The following CEP128 variants were observed in gnomAD, a reference collection of about 807,000 sequenced individuals.
The protein encoded by CEP128 is centrosomal protein 128kDa.
CEP128 carries 132 observed loss-of-function variants against 156.7 expected under a neutral mutation model. The observed-to-expected ratio is 0.84, with a 90% confidence interval of 0.73 to 0.97. The LOEUF is 0.97. CEP128 is among the 50% of genes least tolerant of loss of function. CEP128 has a pLI of 0.00. For missense variants in CEP128, 1,252 were observed against 1,281.9 expected, an observed-to-expected ratio of 0.98 and a Z score of 0.36; for synonymous variants, 469 against 448.9, an observed-to-expected ratio of 1.04 and a Z score of -0.57.
intron 13 of CEP128, among the ~76,000 whole-genome samples, chr14:80,819,756 C>T (rs1416561436): frequency 1.3e-5 from 2 of 152,128 alleles, no homozygotes; most frequent in African/African-American, 4.8e-5. Flanking sequence ...CATTTCAGTG[C>T]TGAGTGTGAG....
At chr14:80,560,802 G>A (rs1041005705) in intron 20 of CEP128, among the ~76,000 whole-genome samples, 18 of 152,130 alleles carry the variant, frequency 1.2e-4, no homozygotes, top group Admixed American at 2.0e-4. Flanking sequence ...CAGTTTTGGG[G>A]CTTGGACTGG....
chr14:80,679,700 A>T (rs1378528033), intron 19 of CEP128, among the ~76,000 whole-genome samples: 1 of 151,718 alleles, frequency 6.6e-6, no homozygotes, highest in Non-Finnish European at 1.5e-5. Flanking sequence ...TTGTGACTTT[A>T]TTGGCCTCAG....
At chr14:80,571,562 A>T (rs1891139945) in intron 20 of CEP128, among the ~76,000 whole-genome samples, 1 of 152,226 alleles carries the variant, frequency 6.6e-6, no homozygotes, top group African/African-American at 2.4e-5. Flanking sequence ...AAAGTAAAAT[A>T]ATCAACTGAT....
At chr14:80,507,284 ATT>A (rs1888022910) in intron 23 of CEP128, among the ~76,000 whole-genome samples, 1 of 152,100 alleles carries the variant, frequency 6.6e-6, no homozygotes, top group South Asian at 2.1e-4. Flanking sequence ...TAACCAAGGG[ATT>A]TTCAATTTTC....
At chr14:80,494,341 G>A (rs993598672), downstream of CEP128, among the ~76,000 whole-genome samples, 1 of 152,078 alleles carries the variant, frequency 6.6e-6, no homozygotes, top group South Asian at 2.1e-4. Flanking sequence ...AGAAAACACT[G>A]GAACAGTTTG....
At chr14:80,537,319 G>C (rs1889529032) in intron 21 of CEP128, among the ~76,000 whole-genome samples, 1 of 152,124 alleles carries the variant, frequency 6.6e-6, no homozygotes, top group Admixed American at 6.5e-5. Context: ...TTCTCCAAAT[G>C]AGTGATTTGG....
chr14:80,764,563 G>A (rs138132575), intron 16 of CEP128, among the ~76,000 whole-genome samples: 99 of 152,132 alleles, frequency 6.5e-4, no homozygotes, highest in South Asian at 2.7e-3. Context: ...TATCCTCTGT[G>A]GGACAGTTGT....
intron 19 of CEP128, among the ~76,000 whole-genome samples, chr14:80,609,894 T>C (rs976391996): frequency 3.3e-5 from 5 of 151,972 alleles, no homozygotes; most frequent in African/African-American, 1.2e-4. Flanking sequence ...ATGTTCACAG[T>C]GAAAAACATT....
intron 15 of CEP128, among the ~76,000 whole-genome samples, chr14:80,778,449 A>G (rs562620841): frequency 1.4e-4 from 22 of 152,352 alleles, no homozygotes; most frequent in African/African-American, 5.3e-4. Flanking sequence ...GGGAAATACT[A>G]TGAGATGTTA....
chr14:80,625,843 T>C (rs7152126), intron 19 of CEP128, among the ~76,000 whole-genome samples: 76,045 of 148,026 alleles, frequency 0.51, 21,663 homozygotes, highest in Non-Finnish European at 0.63. Flanking sequence ...CTTTCTTTTT[T>C]CTCTTTCTTT....
chr14:80,836,464 G>T, intron 11 of CEP128, 127 bp from the exon 12 acceptor site: 1 of 959,542 alleles, frequency 1.0e-6, no homozygotes, highest in Non-Finnish European at 1.6e-6. Context: ...ACGGTTTCCT[G>T]CTCCATTTCC....
intron 19 of CEP128, among the ~76,000 whole-genome samples, chr14:80,691,948 A>C (rs1439591397): frequency 6.6e-6 from 1 of 152,190 alleles, no homozygotes; most frequent in South Asian, 2.1e-4. Context: ...AAAGCAAAGA[A>C]AATATGCAAC....
chr14:80,831,009 T>C (rs955737490), intron 13 of CEP128, 134 bp downstream of exon 13: 13 of 760,916 alleles, frequency 1.7e-5, no homozygotes, highest in Non-Finnish European at 2.8e-5. Flanking sequence ...AATCAGTCAT[T>C]AATATAACTT....
At chr14:80,599,870 A>G (rs536859336) in intron 19 of CEP128, among the ~76,000 whole-genome samples, 3 of 152,328 alleles carry the variant, frequency 2.0e-5, no homozygotes, top group South Asian at 2.1e-4. Context: ...ACTGGATTGA[A>G]AAGTAGAGAA....
At chr14:80,898,425 G>T (rs1889447578) in intron 7 of CEP128, among the ~76,000 whole-genome samples, 1 of 152,066 alleles carries the variant, frequency 6.6e-6, no homozygotes, top group African/African-American at 2.4e-5. Context: ...AAAGTTTTCT[G>T]CCTCAAACAT....
intron 21 of CEP128, among the ~76,000 whole-genome samples, chr14:80,545,256 A>G (rs151296122): frequency 1.3e-5 from 2 of 152,322 alleles, no homozygotes; most frequent in South Asian, 2.1e-4. Flanking sequence ...GTAGTTGGTT[A>G]TCACATGCTG....
chr14:80,687,145 T>G (rs775581817), intron 19 of CEP128, among the ~76,000 whole-genome samples: 7 of 152,124 alleles, frequency 4.6e-5, no homozygotes, highest in Admixed American at 2.0e-4. Context: ...CACATGGTAC[T>G]TACTCTAAAA....
At chr14:80,892,055 GAAAA>G (rs544529899) in intron 8 of CEP128, among the ~76,000 whole-genome samples, 2 of 139,954 alleles carry the variant, frequency 1.4e-5, no homozygotes, top group East Asian at 4.1e-4. Flanking sequence ...TTCCTCACAG[GAAAA>G]AAAAAAAATC....
rs182838555 is a variant in CEP128, at chr14:80,871,491, T to C, written c.646-8618A>G. 7.0e-3 allele frequency among the ~76,000 whole-genome samples: 1,064 copies of C among 152,230 alleles called. 4 individuals are homozygous for C. Among genetic ancestry groups the C allele is most frequent in the Middle Eastern group, 0.02 (6 of 294 alleles). ...TTGGTGACCAGCTTAACGTGCTGGATGGAATATGATGCCATTTCCTGAGAC... is the reference window on the plus strand; with the variant it reads ...TTGGTGACCAGCTTAACGTGCTGGACGGAATATGATGCCATTTCCTGAGAC... On this transcript the variant is annotated intron_variant, in intron 8 of 24. Coordinates refer to ENST00000555265, the MANE Select transcript of CEP128 (RefSeq NM_152446.5).
Sources: allele counts gnomAD v4.1 joint callset (sites outside exome capture counted in the v4.1 genomes callset), GRCh38; gene constraint gnomAD v4.1.1; transcripts MANE v1.5; gene names NCBI Gene and HGNC (gene_info 2026-07-23, HGNC 2026-07-21).